The following RBFOX3 variants were observed in gnomAD, a reference collection of about 807,000 sequenced individuals.
RBFOX3 encodes the protein RNA binding fox-1 homolog 3.
In RBFOX3, 17 loss-of-function variants were observed where a neutral mutation model predicts 48.7. The observed-to-expected ratio is 0.35, with a 90% CI of 0.24 to 0.52. The LOEUF is 0.52. RBFOX3 is among the 20% of genes least tolerant of loss of function. The pLI, the probability that RBFOX3 is intolerant of heterozygous loss-of-function variation, is 0.94. For synonymous variants in RBFOX3, 212 were observed against 209.5 expected (o/e 1.01, Z -0.10); for missense variants, 382 against 497.5 (o/e 0.77, Z 2.21).
At chr17:79,358,954 G>A (rs1220531499) in intron 2 of RBFOX3, among the ~76,000 whole-genome samples, 1 of 152,166 alleles carries the variant, frequency 6.6e-6, no homozygotes, top group Non-Finnish European at 1.5e-5. Context: ...CAGAGGGCTC[G>A]CGCAGAGCAG....
At chr17:79,621,671 C>T in the RBFOX3 span, among the ~76,000 whole-genome samples, 7 of 152,260 alleles carry the variant, frequency 4.6e-5, no homozygotes, top group East Asian at 1.9e-4. Context: ...AAACCAAGTG[C>T]GGGAGTCGTG....
At chr17:79,611,478 G>C (rs1325227732), upstream of RBFOX3, among the ~76,000 whole-genome samples, 1 of 152,012 alleles carries the variant, frequency 6.6e-6, no homozygotes, top group East Asian at 1.9e-4. Context: ...AGAACCCAGT[G>C]CTGCCCTGGT....
At chr17:79,287,764 A>G (rs952805408) in intron 3 of RBFOX3, among the ~76,000 whole-genome samples, 71 of 152,164 alleles carry the variant, frequency 4.7e-4, no homozygotes, top group Non-Finnish European at 9.1e-4. Context: ...GGGTCCAGGC[A>G]GGTTGGGCTC....
intron 2 of RBFOX3, among the ~76,000 whole-genome samples, chr17:79,452,386 G>A (rs1231349335): frequency 6.6e-6 from 1 of 152,200 alleles, no homozygotes; most frequent in African/African-American, 2.4e-5. Context: ...ACATGCCTTC[G>A]ACGCAGAAGG....
chr17:79,389,176 C>T (rs886928596), intron 2 of RBFOX3, among the ~76,000 whole-genome samples: 54 of 152,306 alleles, frequency 3.5e-4, no homozygotes, highest in Admixed American at 2.3e-3. Context: ...TTCCTCTCTC[C>T]CTCGCTGCTC....
At chr17:79,511,928 C>T (rs1316902242) in intron 1 of RBFOX3, among the ~76,000 whole-genome samples, 4 of 144,680 alleles carry the variant, frequency 2.8e-5, no homozygotes, top group Non-Finnish European at 4.6e-5. Context: ...CACCCGGATA[C>T]GTGTTACCAT....
chr17:79,519,860 C>T (rs1054827135), intron 1 of RBFOX3, among the ~76,000 whole-genome samples: 2,418 of 152,276 alleles, frequency 0.016, 66 homozygotes, highest in African/African-American at 0.056. Flanking sequence ...ATGGCTGCTG[C>T]GAGAGGACCA....
At chr17:79,414,118 G>A (rs1420988215) in intron 2 of RBFOX3, among the ~76,000 whole-genome samples, 1 of 152,126 alleles carries the variant, frequency 6.6e-6, no homozygotes, top group Admixed American at 6.5e-5. Context: ...GCCCCCAGAA[G>A]AGGCTCAGGC....
chr17:79,590,595 C>T (rs1304541550), intron 1 of RBFOX3, among the ~76,000 whole-genome samples: 2 of 152,108 alleles, frequency 1.3e-5, no homozygotes, highest in African/African-American at 4.8e-5. Flanking sequence ...TAGGGAAGTC[C>T]GCCTCCCAGG....
At chr17:79,300,654 C>T (rs1383860287) in intron 3 of RBFOX3, among the ~76,000 whole-genome samples, 3 of 152,220 alleles carry the variant, frequency 2.0e-5, no homozygotes, top group East Asian at 1.9e-4. Context: ...GAGACCATTT[C>T]GGATAAAGAT....
intron 2 of RBFOX3, among the ~76,000 whole-genome samples, chr17:79,464,324 C>T (rs547638156): frequency 4.6e-5 from 7 of 152,222 alleles, no homozygotes; most frequent in African/African-American, 1.2e-4. Flanking sequence ...AGCGACAGCC[C>T]GGAGAAGAGG....
chr17:79,302,992 C>A (rs1194706358), intron 3 of RBFOX3, among the ~76,000 whole-genome samples: 1 of 152,176 alleles, frequency 6.6e-6, no homozygotes, highest in Admixed American at 6.5e-5. Context: ...TTTCTCGAGC[C>A]CGGGAGTTTG....
At chr17:79,617,066 CT>C in the RBFOX3 span, among the ~76,000 whole-genome samples, 1 of 152,226 alleles carries the variant, frequency 6.6e-6, no homozygotes, top group Non-Finnish European at 1.5e-5. Flanking sequence ...TTTATCATCC[CT>C]CTTTCTCCTG....
chr17:79,660,052 T>C, the RBFOX3 span, among the ~76,000 whole-genome samples: 2 of 152,146 alleles, frequency 1.3e-5, no homozygotes, highest in Non-Finnish European at 2.9e-5. Context: ...CAGGGCATGG[T>C]GGCGGGCGCC....
intron 3 of RBFOX3, among the ~76,000 whole-genome samples, chr17:79,274,991 C>T (rs1235655265): frequency 1.4e-5 from 2 of 147,796 alleles, no homozygotes; most frequent in African/African-American, 5.0e-5. Context: ...ACCCCCGTCC[C>T]ACCTCCATCA....
intron 2 of RBFOX3, among the ~76,000 whole-genome samples, chr17:79,389,815 T>A (rs932473697): frequency 1.3e-5 from 2 of 152,186 alleles, no homozygotes; most frequent in East Asian, 3.9e-4. Context: ...AGACAACAGT[T>A]TAGAATGAGA....
At chr17:79,229,491 A>G (rs1809222) in intron 4 of RBFOX3, among the ~76,000 whole-genome samples, 112,831 of 147,602 alleles carry the variant, frequency 0.76, 43,439 homozygotes, top group African/African-American at 0.87. Flanking sequence ...CCTGGGAGGC[A>G]GAGGTTACAG....
At position 79,555,800 on chromosome 17, in the gene RBFOX3, CG is replaced by C. The variant is rs2091702042; in HGVS notation, c.-320+55025del. On this transcript the variant is annotated intron_variant, in intron 1 of 14. Coordinates refer to ENST00000693108, the MANE Select transcript of RBFOX3 (RefSeq NM_001350451.2). ...GTGATAATGGCAGTGATGGTGATGA[CG>C]GTGGTGATGGTGACGATGATGATAG... Among the ~76,000 whole-genome samples the C allele has an allele frequency of 7.2e-4, 3 of 4,172 alleles. No individual in the cohort carries two copies. The Admixed American group carries it at 0.011, about 15-fold the overall frequency. The allele number at this position is 4,172 out of a possible 152,430, so 2.7% of individuals were successfully genotyped here. A position where few individuals can be genotyped will look rare whatever the true frequency, so the allele number is the denominator to read the frequency against.
chr17:79,408,492 G>A (rs1464671368), intron 2 of RBFOX3, among the ~76,000 whole-genome samples: 1 of 152,178 alleles, frequency 6.6e-6, no homozygotes, highest in Non-Finnish European at 1.5e-5. Context: ...CAGGAGCCTG[G>A]CCAAGTCATT....
Sources: gnomAD v4.1 joint callset for allele counts (sites outside exome capture counted in the v4.1 genomes callset) on GRCh38, gnomAD v4.1.1 for gene constraint, MANE v1.5 for transcripts, NCBI Gene and HGNC (gene_info 2026-07-23, HGNC 2026-07-21) for gene names.